The following CAST variants were observed in gnomAD, a reference collection of about 807,000 sequenced individuals.
CAST encodes calpastatin.
In CAST, 76 loss-of-function variants were observed where a neutral mutation model predicts 119.6. The ratio of observed to expected loss-of-function variants is 0.64; its 90% CI spans 0.53 to 0.77. The LOEUF (loss-of-function observed/expected upper bound fraction) is 0.77. CAST is among the 30% of genes least tolerant of loss of function. The pLI, the probability that CAST is intolerant of heterozygous loss-of-function variation, is 0.00. For synonymous variants in CAST, 319 were observed against 331.6 expected, an observed-to-expected ratio of 0.96 and a Z score of 0.41; for missense variants, 953 against 946.5, an observed-to-expected ratio of 1.01 and a Z score of -0.09.
chr5:96,229,502 G>A, the CAST span, among the ~76,000 whole-genome samples: 1 of 152,114 alleles, frequency 6.6e-6, no homozygotes. Context: ...GAAGCACAGA[G>A]ATGCAGATGT....
At chr5:96,603,297 A>C (rs566384535) in intron 1 of CAST, among the ~76,000 whole-genome samples, 1 of 152,266 alleles carries the variant, frequency 6.6e-6, no homozygotes, top group Non-Finnish European at 1.5e-5. Context: ...CTTTTGTAAT[A>C]ACATTTAGCT....
At chr5:96,640,734 G>A (rs1029303584) in intron 1 of CAST, among the ~76,000 whole-genome samples, 5 of 152,210 alleles carry the variant, frequency 3.3e-5, no homozygotes, top group African/African-American at 1.2e-4. Context: ...GGAGACAGGG[G>A]AGGCCTTTTT....
chr5:96,458,393 A>G, the CAST span, among the ~76,000 whole-genome samples: 7 of 152,294 alleles, frequency 4.6e-5, no homozygotes, highest in East Asian at 1.4e-3. Context: ...TTAGATCTAG[A>G]GAAGTCATTA....
chr5:96,273,500 A>G, the CAST span, among the ~76,000 whole-genome samples: 8 of 152,336 alleles, frequency 5.3e-5, no homozygotes, highest in Middle Eastern at 3.4e-3. Context: ...GCAAATGCAC[A>G]GTAGATTTAT....
At chr5:96,006,501 C>T in the CAST span, among the ~76,000 whole-genome samples, 17 of 152,322 alleles carry the variant, frequency 1.1e-4, no homozygotes, top group East Asian at 3.3e-3. Context: ...TGTCATCGAG[C>T]ACAATCATTT....
intron 1 of CAST, among the ~76,000 whole-genome samples, chr5:96,672,895 AAAGTTGTTATTTT>A (rs139235882): frequency 0.05 from 7,534 of 152,112 alleles, 659 homozygotes; most frequent in African/African-American, 0.17. Flanking sequence ...ACATAATTTT[AAAGTTGTTATTTT>A]AAGTTGTTAT....
At chr5:96,408,375 G>C in the CAST span, 33 of 1,331,924 alleles carry the variant, frequency 2.5e-5, no homozygotes, top group Middle Eastern at 7.3e-4. Context: ...TGAGGAGTGT[G>C]GGCCTGTCTT....
the CAST span, among the ~76,000 whole-genome samples, chr5:96,269,684 T>C: frequency 2.0e-5 from 3 of 152,232 alleles, no homozygotes; most frequent in Middle Eastern, 6.8e-3. Flanking sequence ...ATATACAACC[T>C]ACCAAGATTA....
the CAST span, among the ~76,000 whole-genome samples, chr5:95,978,432 C>T: frequency 3.9e-5 from 6 of 152,022 alleles, no homozygotes; most frequent in Non-Finnish European, 5.9e-5. Flanking sequence ...TGCTTGTTGC[C>T]GACATGTATG....
At chr5:96,092,318 C>A in the CAST span, among the ~76,000 whole-genome samples, 1 of 152,158 alleles carries the variant, frequency 6.6e-6, no homozygotes, top group Non-Finnish European at 1.5e-5. Flanking sequence ...TAAAAAAATT[C>A]TCAGGAATTT....
the CAST span, among the ~76,000 whole-genome samples, chr5:96,195,681 T>C: frequency 6.6e-6 from 1 of 152,164 alleles, no homozygotes. Context: ...AAGGTTTACT[T>C]TGAGCTTGAT....
At chr5:96,246,052 C>A in the CAST span, among the ~76,000 whole-genome samples, 2 of 152,036 alleles carry the variant, frequency 1.3e-5, no homozygotes, top group African/African-American at 4.8e-5. Context: ...ACTCAGAGAA[C>A]CTCTCAAAAC....
chr5:96,545,840 C>T (rs554046433), intron 1 of CAST, among the ~76,000 whole-genome samples: 3 of 152,322 alleles, frequency 2.0e-5, no homozygotes, highest in Admixed American at 2.0e-4. Context: ...AAGTGAATGT[C>T]CTTTGATAAC....
chr5:96,046,199 C>T, the CAST span, among the ~76,000 whole-genome samples: 4 of 151,834 alleles, frequency 2.6e-5, no homozygotes, highest in South Asian at 2.1e-4. Context: ...TCATGGACAG[C>T]GTTGCAGGCC....
At chr5:96,289,801 G>T in the CAST span, among the ~76,000 whole-genome samples, 1 of 152,098 alleles carries the variant, frequency 6.6e-6, no homozygotes, top group East Asian at 1.9e-4. Context: ...CCTCAGCTTT[G>T]TTGAGAGACA....
chr5:96,571,659 C>A, intron 1 of CAST, among the ~76,000 whole-genome samples: 1 of 152,200 alleles, frequency 6.6e-6, no homozygotes. Context: ...GTAGATTGCT[C>A]TCTCACATCT....
the CAST span, among the ~76,000 whole-genome samples, chr5:96,092,929 G>A: frequency 2.0e-5 from 3 of 152,258 alleles, no homozygotes; most frequent in East Asian, 5.8e-4. Flanking sequence ...GTGGGGCCTA[G>A]AATCCAGATC....
At chr5:96,366,905 T>G in the CAST span, among the ~76,000 whole-genome samples, 4 of 152,244 alleles carry the variant, frequency 2.6e-5, no homozygotes, top group Admixed American at 1.3e-4. Context: ...AGAGGCGCTC[T>G]GATTTTTAGA....
intron 1 of CAST, among the ~76,000 whole-genome samples, chr5:96,601,827 T>C (rs538602793): frequency 8.5e-5 from 13 of 152,358 alleles, no homozygotes; most frequent in African/African-American, 2.4e-4. Context: ...ACATTTTATG[T>C]CAGCAGGGAA....
Sources: allele counts gnomAD v4.1 joint callset (sites outside exome capture counted in the v4.1 genomes callset), GRCh38; gene constraint gnomAD v4.1.1; transcripts MANE v1.5; gene names NCBI Gene and HGNC (gene_info 2026-07-23, HGNC 2026-07-21).